NEGR1: variants seen among roughly 807,000 people sequenced by gnomAD.
NEGR1 encodes the protein neuronal growth regulator 1.
A neutral mutation model predicts 40.9 loss-of-function variants in NEGR1; 10 were observed. That is an observed-to-expected ratio of 0.24 (90% confidence interval 0.15 to 0.42). The LOEUF is 0.42. Among genes scored for constraint, NEGR1 ranks in the 10% least tolerant of loss-of-function variants. NEGR1 has a pLI of 1.00. For synonymous variants in NEGR1, 185 were observed against 166.8 expected (o/e 1.11, Z -0.84); for missense variants, 352 against 438.9 (o/e 0.80, Z 1.77).
intron 1 of NEGR1, among the ~76,000 whole-genome samples, chr1:72,264,999 GTTAT>G (rs1655594275): frequency 6.6e-6 from 1 of 150,412 alleles, no homozygotes. Context: ...TAAATTTCCG[GTTAT>G]TTATTTAACT....
At chr1:72,182,786 A>G (rs1018604539) in intron 1 of NEGR1, among the ~76,000 whole-genome samples, 78 of 148,758 alleles carry the variant, frequency 5.2e-4, no homozygotes, top group African/African-American at 1.8e-3. Context: ...GTGTATATAT[A>G]TATATATATA....
rs139035758 is a variant in NEGR1, at chr1:72,073,619, A to G, written c.177-138308T>C. The stretch of plus-strand genomic sequence containing the variant: ...AAACAACATATTGATTTCATGTTCA[A>G]TGCTACATATATACTTTCTTAAACT... On this transcript the variant is annotated intron_variant, in intron 1 of 6. Transcript: ENST00000357731. Among the ~76,000 whole-genome samples, 463 of 152,256 alleles carry G rather than the reference A, an allele frequency of 3.0e-3. 4 individuals carry two copies. The highest frequency in any genetic ancestry group is 0.021 in the Admixed American group (320 of 15,262).
chr1:71,856,834 G>A (rs1482679123), intron 2 of NEGR1, among the ~76,000 whole-genome samples: 2 of 151,934 alleles, frequency 1.3e-5, no homozygotes, highest in East Asian at 3.9e-4. Context: ...TTTTTTAACA[G>A]TGTCAACCTC....
intron 1 of NEGR1, among the ~76,000 whole-genome samples, chr1:72,008,306 C>A (rs1646626926): frequency 1.3e-5 from 2 of 152,002 alleles, no homozygotes; most frequent in South Asian, 4.1e-4. Flanking sequence ...CATCTAACTC[C>A]CATGGTGCTG....
intron 2 of NEGR1, among the ~76,000 whole-genome samples, chr1:71,910,841 G>A (rs1337619702): frequency 1.3e-5 from 2 of 151,976 alleles, no homozygotes; most frequent in African/African-American, 4.8e-5. Flanking sequence ...TAGACTATGG[G>A]CACACACTAC....
chr1:71,435,124 A>AAG (rs1646500357), intron 6 of NEGR1, among the ~76,000 whole-genome samples: 1 of 152,030 alleles, frequency 6.6e-6, no homozygotes, highest in African/African-American at 2.4e-5. Flanking sequence ...AAAAAAAAAA[A>AAG]AAGAGGGAAT....
At chr1:72,024,460 A>G (rs959322357) in intron 1 of NEGR1, among the ~76,000 whole-genome samples, 1 of 152,128 alleles carries the variant, frequency 6.6e-6, no homozygotes, top group Admixed American at 6.6e-5. Context: ...ATAAAATAAA[A>G]TAAATCAAAT....
At chr1:71,779,325 T>C (rs1394808023) in intron 2 of NEGR1, among the ~76,000 whole-genome samples, 1 of 152,194 alleles carries the variant, frequency 6.6e-6, no homozygotes, top group African/African-American at 2.4e-5. Context: ...TAAAGGCATG[T>C]TACTTGCCCT....
At chr1:71,410,617 T>G (rs1317635124) in intron 6 of NEGR1, among the ~76,000 whole-genome samples, 1 of 152,166 alleles carries the variant, frequency 6.6e-6, no homozygotes, top group Non-Finnish European at 1.5e-5. Flanking sequence ...ATGATATACA[T>G]ACTTTAGTAC....
intron 2 of NEGR1, among the ~76,000 whole-genome samples, chr1:71,931,151 A>G (rs1645852159): frequency 6.6e-6 from 1 of 152,146 alleles, no homozygotes; most frequent in African/African-American, 2.4e-5. Flanking sequence ...AAATTACAAT[A>G]CCCTGGAGAA....
chr1:71,557,331 C>T (rs367751820), intron 6 of NEGR1, among the ~76,000 whole-genome samples: 99 of 151,504 alleles, frequency 6.5e-4, no homozygotes, highest in African/African-American at 2.2e-3. Flanking sequence ...AAGAGTATGG[C>T]GAAGTCTGGG....
intron 4 of NEGR1, among the ~76,000 whole-genome samples, chr1:71,622,298 A>T (rs2101554382): frequency 6.6e-6 from 1 of 152,074 alleles, no homozygotes; most frequent in African/African-American, 2.4e-5. Flanking sequence ...CAAGTTTGCA[A>T]GTATTGTAAA....
At chr1:71,667,635 C>T (rs150709450) in intron 4 of NEGR1, among the ~76,000 whole-genome samples, 102 of 152,266 alleles carry the variant, frequency 6.7e-4, no homozygotes, top group African/African-American at 2.4e-3. Flanking sequence ...AAAGAGGAAG[C>T]CAGAATAATG....
At chr1:71,419,464 T>C (rs556893676) in intron 6 of NEGR1, among the ~76,000 whole-genome samples, 1 of 152,246 alleles carries the variant, frequency 6.6e-6, no homozygotes, top group South Asian at 2.1e-4. Context: ...CTTTTATGAG[T>C]TTTGCATTAA....
At chr1:72,200,825 C>T (rs1653179507) in intron 1 of NEGR1, among the ~76,000 whole-genome samples, 2 of 151,866 alleles carry the variant, frequency 1.3e-5, no homozygotes, top group South Asian at 4.1e-4. Context: ...TTCAACCTAA[C>T]TTTTCAATAA....
At chr1:71,742,435 G>C (rs764787744) in intron 3 of NEGR1, among the ~76,000 whole-genome samples, 1 of 152,136 alleles carries the variant, frequency 6.6e-6, no homozygotes, top group African/African-American at 2.4e-5. Context: ...TAGTGGGTCT[G>C]GATGGCAGGG....
At chr1:72,256,810 T>C (rs372383491) in intron 1 of NEGR1, among the ~76,000 whole-genome samples, 1 of 152,194 alleles carries the variant, frequency 6.6e-6, no homozygotes, top group Non-Finnish European at 1.5e-5. Flanking sequence ...ATAAAATCCA[T>C]GTAATGACAT....
At chr1:71,903,189 A>T (rs1661186097) in intron 2 of NEGR1, among the ~76,000 whole-genome samples, 1 of 151,736 alleles carries the variant, frequency 6.6e-6, no homozygotes, top group South Asian at 2.1e-4. Context: ...GCTCTCACCC[A>T]CCTTTGTACC....
At chr1:71,933,629 G>A (rs1402220565) in intron 2 of NEGR1, among the ~76,000 whole-genome samples, 2 of 151,864 alleles carry the variant, frequency 1.3e-5, no homozygotes, top group African/African-American at 4.8e-5. Flanking sequence ...TTCTGAAGGT[G>A]GATTAACTCC....
Sources: allele counts gnomAD v4.1 joint callset (sites outside exome capture counted in the v4.1 genomes callset), GRCh38; gene constraint gnomAD v4.1.1; transcripts MANE v1.5; gene names NCBI Gene and HGNC (gene_info 2026-07-23, HGNC 2026-07-21).